The following SMYD3 variants were observed in gnomAD, a reference collection of about 807,000 sequenced individuals.
SMYD3 encodes the protein SET and MYND domain containing 3.
In SMYD3, 36 loss-of-function variants were observed where a neutral mutation model predicts 57.7. The observed-to-expected ratio is 0.62, with a 90% CI of 0.48 to 0.82. SMYD3 has a LOEUF of 0.82. Ranked by LOEUF, SMYD3 falls within the 40% of genes least tolerant of loss-of-function variation. The pLI is 0.00. For synonymous variants in SMYD3, 211 were observed against 195.0 expected (o/e 1.08, Z -0.68); for missense variants, 515 against 538.8 (o/e 0.96, Z 0.44).
chr1:246,114,409 G>A (rs1324203520), intron 5 of SMYD3, among the ~76,000 whole-genome samples: 2 of 152,176 alleles, frequency 1.3e-5, no homozygotes, highest in Non-Finnish European at 2.9e-5. Flanking sequence ...CCCCGATGGG[G>A]GAGAACAATT....
chr1:245,923,294 G>GAA lies in SMYD3; in HGVS notation c.702+4635_702+4636dup, dbSNP rs143227840. Among the ~76,000 whole-genome samples the GAA allele has an allele frequency of 5.8e-3, 849 of 146,872 alleles. 3 individuals are homozygous for GAA. The highest frequency in any genetic ancestry group is 1.0e-2 in the Non-Finnish European group (662 of 66,490). ...AACAGTAACATTTGTAAACATGCAG[G>GAA]AAAAAAAAAACAAGAAAATCTGGCC... On this transcript the variant is annotated intron_variant, in intron 7 of 11. Coordinates refer to ENST00000490107, the MANE Select transcript of SMYD3 (RefSeq NM_001167740.2).
chr1:246,046,230 G>GTCCA (rs1242277132), intron 5 of SMYD3, among the ~76,000 whole-genome samples: 1 of 152,162 alleles, frequency 6.6e-6, no homozygotes, highest in Non-Finnish European at 1.5e-5. Context: ...CAACCCAAAT[G>GTCCA]TCCATCAATG....
At chr1:246,289,715 T>C (rs2064647987) in intron 5 of SMYD3, among the ~76,000 whole-genome samples, 1 of 152,230 alleles carries the variant, frequency 6.6e-6, no homozygotes, top group African/African-American at 2.4e-5. Flanking sequence ...TAAATGTTAC[T>C]GTTCGTGGGT....
intron 5 of SMYD3, among the ~76,000 whole-genome samples, chr1:246,194,784 C>CA (rs1404526306): frequency 1.3e-5 from 2 of 152,192 alleles, no homozygotes; most frequent in African/African-American, 4.8e-5. Flanking sequence ...TATTGCACAA[C>CA]AAAGAGAGAA....
intron 1 of SMYD3, among the ~76,000 whole-genome samples, chr1:246,382,382 G>A (rs914196539): frequency 6.6e-6 from 1 of 152,088 alleles, no homozygotes; most frequent in African/African-American, 2.4e-5. Flanking sequence ...AGCACCCATG[G>A]ACCCACGCTC....
chr1:245,817,220 C>A (rs555440390), intron 10 of SMYD3, among the ~76,000 whole-genome samples: 1 of 146,130 alleles, frequency 6.8e-6, no homozygotes, highest in Non-Finnish European at 1.5e-5. Flanking sequence ...AGACTGCCTC[C>A]TCAAGTGGGT....
chr1:245,912,661 T>C (rs2055083672), intron 8 of SMYD3, among the ~76,000 whole-genome samples: 1 of 152,050 alleles, frequency 6.6e-6, no homozygotes, highest in Admixed American at 6.6e-5. Flanking sequence ...AACAGACATA[T>C]AGACCAATGG....
chr1:245,927,086 A>C (rs1393071096), intron 7 of SMYD3, among the ~76,000 whole-genome samples: 6 of 152,268 alleles, frequency 3.9e-5, no homozygotes, highest in Non-Finnish European at 8.8e-5. Context: ...GCATAAATGC[A>C]ATAAAAGCTT....
chr1:246,054,130 A>G (rs1202175194), intron 5 of SMYD3, among the ~76,000 whole-genome samples: 2 of 152,232 alleles, frequency 1.3e-5, no homozygotes, highest in Non-Finnish European at 2.9e-5. Context: ...ATACTTCTCA[A>G]AAGAAAAGAT....
At chr1:246,392,754 G>C (rs1420357168) in intron 1 of SMYD3, among the ~76,000 whole-genome samples, 1 of 150,142 alleles carries the variant, frequency 6.7e-6, no homozygotes, top group African/African-American at 2.5e-5. Context: ...TGGCCTTGAA[G>C]GTACTAGTTT....
chr1:245,798,860 A>C (rs1241188013), intron 10 of SMYD3, among the ~76,000 whole-genome samples: 1 of 151,236 alleles, frequency 6.6e-6, no homozygotes, highest in Non-Finnish European at 1.5e-5. Context: ...AACACCATCA[A>C]CCCCTCAGCC....
At chr1:246,242,328 C>A (rs2063627428) in intron 5 of SMYD3, among the ~76,000 whole-genome samples, 3 of 152,154 alleles carry the variant, frequency 2.0e-5, no homozygotes. Context: ...ATCTTTATTT[C>A]TGCCTTCATT....
rs574913563 is a variant in SMYD3 at position 246,084,325 on chromosome 1, T to C, written c.532-154388A>G. ...CAACATTCTGGGCTCAAACGATCCTTCCACCTCAGCCTCCCAAGTAGCTGG... is the reference window on the plus strand; with the variant it reads ...CAACATTCTGGGCTCAAACGATCCTCCCACCTCAGCCTCCCAAGTAGCTGG... On this transcript the variant is annotated intron_variant, in intron 5 of 11. Transcript: ENST00000490107. Among the ~76,000 whole-genome samples, 5 of 151,770 alleles carry C rather than the reference T, an allele frequency of 3.3e-5. No individual in the cohort carries two copies. In the South Asian group the frequency reaches 1.0e-3, roughly 32 times the overall value.
At chr1:246,213,437 AT>A (rs1356427885) in intron 5 of SMYD3, among the ~76,000 whole-genome samples, 2 of 152,182 alleles carry the variant, frequency 1.3e-5, no homozygotes, top group African/African-American at 4.8e-5. Context: ...TGTTTCCACC[AT>A]TATAGCACAT....
chr1:246,306,902 G>A (rs2064989224), intron 5 of SMYD3, among the ~76,000 whole-genome samples: 1 of 151,974 alleles, frequency 6.6e-6, no homozygotes, highest in Non-Finnish European at 1.5e-5. Context: ...AAACACACTG[G>A]CTGATCCTCA....
At chr1:246,230,529 C>T (rs1226458201) in intron 5 of SMYD3, among the ~76,000 whole-genome samples, 2 of 152,180 alleles carry the variant, frequency 1.3e-5, no homozygotes, top group African/African-American at 2.4e-5. Context: ...GTCCAAGGTA[C>T]CACACAGGCT....
chr1:246,198,860 A>G (rs2062864928), intron 5 of SMYD3, among the ~76,000 whole-genome samples: 1 of 152,246 alleles, frequency 6.6e-6, no homozygotes, highest in Non-Finnish European at 1.5e-5. Context: ...AAATAAACAG[A>G]TGCAATTAAT....
intron 1 of SMYD3, among the ~76,000 whole-genome samples, chr1:246,484,110 C>A (rs549878606): frequency 1.7e-5 from 1 of 58,264 alleles, no homozygotes; most frequent in East Asian, 3.7e-4. Flanking sequence ...ATCACTTCAA[C>A]CAAAATACCT....
chr1:246,418,814 C>T (rs551959459), intron 1 of SMYD3, among the ~76,000 whole-genome samples: 6 of 152,142 alleles, frequency 3.9e-5, no homozygotes, highest in South Asian at 2.1e-4. Flanking sequence ...CTTCTGCCTG[C>T]GTGCTCCCCT....
Sources: allele counts gnomAD v4.1 joint callset (sites outside exome capture counted in the v4.1 genomes callset), GRCh38; gene constraint gnomAD v4.1.1; transcripts MANE v1.5; gene names NCBI Gene and HGNC (gene_info 2026-07-23, HGNC 2026-07-21).